Variants in CNTLN observed in about 807,000 individuals in gnomAD.
CNTLN encodes the protein centlein, centrosomal protein.
Under a neutral mutation model 180.0 loss-of-function variants are expected in CNTLN, and 212 were observed. The observed-to-expected ratio is 1.18, with a 90% CI of 1.05 to 1.32. The LOEUF is 1.32. Ranked by LOEUF, CNTLN falls within the 40% of genes most tolerant of loss-of-function variation. The pLI, the probability that CNTLN is intolerant of heterozygous loss-of-function variation, is 0.00. For missense variants in CNTLN, 2,095 were observed against 1,610.9 expected, an observed-to-expected ratio of 1.30 and a Z score of -5.14; for synonymous variants, 722 against 563.1, an observed-to-expected ratio of 1.28 and a Z score of -3.99.
rs746652100 is a variant in CNTLN, at chr9:17,503,793, C to G, written c.*1141C>G. 9.2e-5 allele frequency: 14 copies of G among 152,604 alleles called. No homozygotes were observed. The highest frequency in any genetic ancestry group is 2.1e-4 in the Non-Finnish European group (14 of 68,052). The allele number at this position is 152,604 out of a possible 1,614,324, so 9.5% of individuals were successfully genotyped here. A position where few individuals can be genotyped will look rare whatever the true frequency, so the allele number is the denominator to read the frequency against. On this transcript the variant is annotated 3_prime_UTR_variant, in exon 26 of 26. Coordinates refer to ENST00000380647, the MANE Select transcript of CNTLN (RefSeq NM_017738.4). ...CCTGCCACCTGTTTTGTATGGCCCA[C>G]AAGCTAAGAATGGTTTTTGCCTTAT...
At chr9:17,182,918 T>C (rs1462221142) in intron 2 of CNTLN, among the ~76,000 whole-genome samples, 1 of 152,198 alleles carries the variant, frequency 6.6e-6, no homozygotes, top group Non-Finnish European at 1.5e-5. Context: ...CCAGTTGAGA[T>C]AGATTCTAGT....
intron 6 of CNTLN, among the ~76,000 whole-genome samples, chr9:17,295,328 C>T (rs951912861): frequency 6.6e-6 from 1 of 152,192 alleles, no homozygotes; most frequent in African/African-American, 2.4e-5. Flanking sequence ...GAGTGGGCGC[C>T]GAGGCCAAGG....
chr9:17,490,383 G>T (rs997312079), intron 25 of CNTLN, among the ~76,000 whole-genome samples: 4 of 152,062 alleles, frequency 2.6e-5, no homozygotes, highest in Non-Finnish European at 2.9e-5. Flanking sequence ...AAAGATGGGT[G>T]AGTTTAATAT....
chr9:17,260,734 G>A (rs1004406942), intron 5 of CNTLN, among the ~76,000 whole-genome samples: 2 of 151,358 alleles, frequency 1.3e-5, no homozygotes, highest in Non-Finnish European at 2.9e-5. Flanking sequence ...AGTTGCTTTT[G>A]ATGTCTTCAT....
At chr9:17,394,431 T>G in intron 14 of CNTLN, 103 bp from the exon 15 acceptor site, 1 of 933,964 alleles carries the variant, frequency 1.1e-6, no homozygotes. Context: ...ATTTATTTTG[T>G]CCTTGTGCTA....
rs1331965964 is a variant in CNTLN, at chr9:17,342,433, A to T, written c.1875A>T (p.Leu625=). 6 of 1,600,286 alleles carry T rather than the reference A, an allele frequency of 3.7e-6. No individual in the cohort carries two copies. The highest frequency in any genetic ancestry group is 5.1e-6 in the Non-Finnish European group (6 of 1,175,936). ...LAYFKRENQE[L]MIQKMNLEEE... ...ATTTCAAAAGGGAAAACCAGGAGCT[A>T]ATGATTCAAAAGTGAGTTTCATTTT... The change falls in exon 12 of 26, where the codon CTA becomes CTT. Residue 625 remains leucine (L), a synonymous_variant. Transcript: ENST00000380647.
chr9:17,342,817 C>CG (rs1821591149), intron 12 of CNTLN, among the ~76,000 whole-genome samples: 2 of 152,168 alleles, frequency 1.3e-5, no homozygotes, highest in African/African-American at 2.4e-5. Flanking sequence ...TAGATACATA[C>CG]GCAATGCAGA....
At chr9:17,416,281 A>G (rs1197395614) in intron 18 of CNTLN, 92 bp downstream of exon 18, 3 of 1,092,968 alleles carry the variant, frequency 2.7e-6, no homozygotes, top group African/African-American at 3.2e-5. Flanking sequence ...TATTTGTGTT[A>G]GGCAGGTCTA....
intron 12 of CNTLN, among the ~76,000 whole-genome samples, chr9:17,361,109 G>T (rs563786912): frequency 6.6e-6 from 1 of 151,796 alleles, no homozygotes; most frequent in Non-Finnish European, 1.5e-5. Context: ...TGTGCACAAC[G>T]TGCAGGTTTG....
chr9:17,249,138 A>C lies in CNTLN; in HGVS notation c.849+12550A>C, dbSNP rs549926061. On this transcript the variant is annotated intron_variant, in intron 5 of 25. Transcript: ENST00000380647. ...TTTGCTATTCTGTTTCTGGGTTCTT[A>C]AGTTACTAGGTTCTCAAGATACAAA... Among the ~76,000 whole-genome samples, 48 of 152,058 alleles carry C rather than the reference A, an allele frequency of 3.2e-4. 1 individual carries two copies. Among genetic ancestry groups the C allele is most frequent in the African/African-American group, 1.1e-3 (47 of 41,508 alleles).
At chr9:17,364,620 T>C (rs1365437794) in intron 12 of CNTLN, among the ~76,000 whole-genome samples, 1 of 152,198 alleles carries the variant, frequency 6.6e-6, no homozygotes, top group Non-Finnish European at 1.5e-5. Flanking sequence ...CATTATCCCA[T>C]TTTGGGCAGT....
chr9:17,499,387 CTT>C (rs1185190036), intron 25 of CNTLN, among the ~76,000 whole-genome samples: 2 of 152,296 alleles, frequency 1.3e-5, no homozygotes, highest in East Asian at 1.9e-4. Flanking sequence ...AAATTCCACT[CTT>C]AGCCATTTTT....
At chr9:17,183,020 C>T (rs1327129930) in intron 2 of CNTLN, among the ~76,000 whole-genome samples, 2 of 152,138 alleles carry the variant, frequency 1.3e-5, no homozygotes, top group Non-Finnish European at 2.9e-5. Flanking sequence ...CTGGTGTCTG[C>T]ATCTGTGAGT....
At chr9:17,187,665 A>G (rs1587062124) in intron 2 of CNTLN, among the ~76,000 whole-genome samples, 1 of 151,746 alleles carries the variant, frequency 6.6e-6, no homozygotes, top group Non-Finnish European at 1.5e-5. Context: ...TTATTTTTCA[A>G]TGCCTGTGTA....
At chr9:17,400,455 A>G (rs963662309) in intron 15 of CNTLN, among the ~76,000 whole-genome samples, 2 of 152,080 alleles carry the variant, frequency 1.3e-5, no homozygotes, top group Non-Finnish European at 2.9e-5. Flanking sequence ...CATTATTTAG[A>G]GTATATCTTA....
At chr9:17,347,069 C>T (rs1394674517) in intron 12 of CNTLN, among the ~76,000 whole-genome samples, 2 of 152,014 alleles carry the variant, frequency 1.3e-5, no homozygotes, top group African/African-American at 2.4e-5. Flanking sequence ...TTGGGTTCTT[C>T]TTTATGTATA....
intron 18 of CNTLN, among the ~76,000 whole-genome samples, chr9:17,445,702 G>T (rs1304155782): frequency 6.6e-6 from 1 of 152,136 alleles, no homozygotes; most frequent in East Asian, 1.9e-4. Context: ...ATTGTCCAAG[G>T]TTTCTCCCCA....
intron 18 of CNTLN, among the ~76,000 whole-genome samples, chr9:17,436,247 G>C (rs1481410783): frequency 6.6e-6 from 1 of 151,976 alleles, no homozygotes; most frequent in Non-Finnish European, 1.5e-5. Flanking sequence ...CTGATTTCTT[G>C]ATGAATTATT....
chr9:17,359,865 A>T (rs1174648956), intron 12 of CNTLN, among the ~76,000 whole-genome samples: 1 of 151,324 alleles, frequency 6.6e-6, no homozygotes, highest in South Asian at 2.1e-4. Context: ...TTGCCACTGC[A>T]CTCCAGCCTG....
Sources: gnomAD v4.1 joint callset for allele counts (sites outside exome capture counted in the v4.1 genomes callset) on GRCh38, gnomAD v4.1.1 for gene constraint, MANE v1.5 for transcripts, NCBI Gene and HGNC (gene_info 2026-07-23, HGNC 2026-07-21) for gene names.